Variants in ADAMTS13 observed in about 807,000 individuals in gnomAD.
ADAMTS13 encodes the protein A disintegrin and metalloproteinase with thrombospondin motifs 13.
In ADAMTS13, 110 loss-of-function variants were observed where a neutral mutation model predicts 155.1. That is an observed-to-expected ratio of 0.71 (90% confidence interval 0.61 to 0.83). The LOEUF (loss-of-function observed/expected upper bound fraction) is 0.83. ADAMTS13 is among the 40% of genes least tolerant of loss of function. The probability of loss-of-function intolerance (pLI) is 0.00; values close to 1 mark genes in which losing one functional copy is unlikely to be tolerated. For synonymous variants in ADAMTS13, 758 were observed against 756.4 expected, an observed-to-expected ratio of 1.00 and a Z score of -0.03; for missense variants, 1,707 against 1,891.7, an observed-to-expected ratio of 0.90 and a Z score of 1.81.
intron 21 of ADAMTS13, among the ~76,000 whole-genome samples, chr9:133,447,379 C>T (rs1036263100): frequency 1.3e-5 from 2 of 152,148 alleles, no homozygotes; most frequent in Admixed American, 6.5e-5. Context: ...ACAACCTCCA[C>T]CACCTGGGCT....
chr9:133,456,184 C>T lies in ADAMTS13; in HGVS notation c.3516C>T (p.Arg1172=), dbSNP rs782126709. The T allele has an allele frequency of 9.3e-6, 15 of 1,613,478 alleles. No individual in the cohort carries two copies. The highest frequency in any genetic ancestry group is 2.2e-5 in the East Asian group (1 of 44,896). Residue 1172 remains arginine, a synonymous_variant, in exon 26 of 29, where the codon CGC becomes CGT. Transcript: ENST00000355699. The surrounding 1 kb of genome is among the most constrained non-coding windows in gnomAD (Gnocchi z 4.4). ...GRPLGEVVTL[R]VLESSLNCSA... ...CCCTCGGGGAGGTGGTGACCCTCCG[C>T]GTCCTTGAGAGTTCTCTCAACTGCA...
Position 133,445,010 on chromosome 9 carries a change from T to C in ADAMTS13, c.2568T>C (p.Pro856=). 1 of 1,613,486 alleles carries C rather than the reference T, an allele frequency of 6.2e-7. No individual in the cohort carries two copies. The highest frequency in any genetic ancestry group is 8.5e-7 in the Non-Finnish European group (1 of 1,179,988). ...CCGTAGATGAGAAGCTGCCTGCCCC[T>C]GAGCCCTGTGTCGGGATGTCATGTC... ...PGSVDEKLPA[P]EPCVGMSCPP... The change falls in exon 20 of 29, where the codon CCT becomes CCC. Residue 856 remains proline, a synonymous_variant. Transcript: ENST00000355699. This position sits in a 1 kb window ranked among gnomAD's most constrained non-coding sequence, Gnocchi z 5.0.
chr9:133,447,689 A>C (rs1490298080), intron 21 of ADAMTS13, among the ~76,000 whole-genome samples: 1 of 151,866 alleles, frequency 6.6e-6, no homozygotes, highest in Non-Finnish European at 1.5e-5. Flanking sequence ...CCCATGTTCA[A>C]ACGATTCTCA....
In ADAMTS13 at chr9:133,456,142, A is replaced by G. The variant is rs1554795868; in HGVS notation, c.3474A>G (p.Ala1158=). The change falls in exon 26 of 29, where the codon GCA becomes GCG. Residue 1158 remains alanine (A), a synonymous_variant. Coordinates refer to ENST00000355699, the MANE Select transcript of ADAMTS13 (RefSeq NM_139027.6). This position sits in a 1 kb window ranked among gnomAD's most constrained non-coding sequence, Gnocchi z 4.4. ...GAGGCCCAGGGCAGGCAGACTGTGC[A>G]GTGGCCATTGGGCGGCCCCTCGGGG... is the stretch of plus-strand genomic sequence containing the variant. ...DMRGPGQADC[A]VAIGRPLGEV... is the part of the protein sequence containing the mutation. The G allele has an allele frequency of 1.2e-6, 2 of 1,613,344 alleles. No individual in the cohort carries two copies. Among genetic ancestry groups the G allele is most frequent in the African/African-American group, 1.3e-5 (1 of 74,932 alleles).
chr9:133,428,185 G>A (rs1043293216), intron 6 of ADAMTS13, among the ~76,000 whole-genome samples: 1 of 152,170 alleles, frequency 6.6e-6, no homozygotes, highest in African/African-American at 2.4e-5. Context: ...TGCAAACAAT[G>A]GCCAAGGGCA....
intron 11 of ADAMTS13, 52 bp from the exon 12 acceptor site, chr9:133,436,777 C>T (rs1554789086): frequency 7.6e-6 from 4 of 527,326 alleles, no homozygotes; most frequent in Admixed American, 7.3e-5. Context: ...CCAGTGACAA[C>T]ACCCGCCCCC....
In ADAMTS13 at chr9:133,437,742, C is replaced by T; in HGVS notation, c.1436-7C>T. On this transcript the variant is annotated splice_region_variant and splice_polypyrimidine_tract_variant and intron_variant, in intron 12 of 28. Coordinates refer to ENST00000355699, the MANE Select transcript of ADAMTS13 (RefSeq NM_139027.6). ...TCAGGACACCCTTTTTCACTCTGCC[C>T]TCCCAGGGGATGCTCTGTGCAGACA... 6.2e-7 allele frequency: 1 copy of T among 1,613,764 alleles called. No individual in the cohort carries two copies. Among genetic ancestry groups the T allele is most frequent in the Admixed American group, 1.7e-5 (1 of 60,024 alleles).
upstream of ADAMTS13, chr9:133,417,600 C>T (rs782785319): frequency 2.5e-6 from 4 of 1,610,186 alleles, no homozygotes; most frequent in Admixed American, 6.7e-5. Flanking sequence ...GCGCTCCGCC[C>T]GGGCCCCCTC....
Position 133,459,370 on chromosome 9 carries a change from T to A in ADAMTS13, c.*190T>A. The A allele has an allele frequency of 1.4e-6, 1 of 712,896 alleles. No individual in the cohort carries two copies. The highest frequency in any genetic ancestry group is 2.5e-6 in the Non-Finnish European group (1 of 400,212). 44.2% of individuals were successfully genotyped at this position (712,896 alleles called of 1,614,324 possible). ...CCCCATTTCCTCGGGTACCAATAAA[T>A]AAAACATGCAGGCTGACCGGCGTTT... On this transcript the variant is annotated 3_prime_UTR_variant, in exon 29 of 29. Coordinates refer to ENST00000355699, the MANE Select transcript of ADAMTS13 (RefSeq NM_139027.6).
rs1842630321 is a variant in ADAMTS13, at chr9:133,454,574, C to T, written c.3204C>T (p.Leu1068=). ...GGCCCGAGGCCAGTGTCCCCTGTCTCATTGCCGACTGCACCTACCGCTGGC... is the reference window on the plus strand; with the variant it reads ...GGCCCGAGGCCAGTGTCCCCTGTCTTATTGCCGACTGCACCTACCGCTGGC... The part of the protein sequence containing the change: ...LVRPEASVPC[L]IADCTYRWHV... The change falls in exon 24 of 29, where the codon CTC becomes CTT. Residue 1068 remains leucine, a synonymous_variant. Coordinates refer to ENST00000355699, the MANE Select transcript of ADAMTS13 (RefSeq NM_139027.6). The T allele has an allele frequency of 2.5e-6, 4 of 1,606,856 alleles. No individual in the cohort carries two copies. Among genetic ancestry groups the T allele is most frequent in the African/African-American group, 1.3e-5 (1 of 74,948 alleles).
chr9:133,424,532 A>G lies in ADAMTS13; in HGVS notation c.330+54A>G. On this transcript the variant is annotated intron_variant, in intron 3 of 28. Transcript: ENST00000355699. This position sits in a 1 kb window ranked among gnomAD's most constrained non-coding sequence, Gnocchi z 4.3. ...TCCCCACGGCCAGGGCTGGTGACCAATGTCTGTGGGCTGGTGTATCTGGTA... is the reference window on the plus strand; with the variant it reads ...TCCCCACGGCCAGGGCTGGTGACCAGTGTCTGTGGGCTGGTGTATCTGGTA... 1 of 1,575,834 alleles carries G rather than the reference A, an allele frequency of 6.3e-7. No homozygotes were observed. The highest frequency in any genetic ancestry group is 8.6e-7 in the Non-Finnish European group (1 of 1,160,876).
chr9:133,436,060 G>A (rs916279695), intron 11 of ADAMTS13, among the ~76,000 whole-genome samples: 17 of 143,830 alleles, frequency 1.2e-4, no homozygotes, highest in African/African-American at 3.1e-4. Context: ...CAGGTGATCC[G>A]CCCACCTTAG....
intron 23 of ADAMTS13, among the ~76,000 whole-genome samples, chr9:133,450,697 C>T (rs1045209500): frequency 3.3e-5 from 5 of 152,144 alleles, no homozygotes; most frequent in Non-Finnish European, 7.3e-5. Flanking sequence ...TGCAGTGAGC[C>T]GAGATGGCGC....
exon 1 of ADAMTS13, chr9:133,414,624 G>A (rs782352892): frequency 4.4e-6 from 7 of 1,577,848 alleles, no homozygotes; most frequent in South Asian, 3.3e-5. Flanking sequence ...TGGTGAAGTC[G>A]CTGTGCCTCG....
At chr9:133,430,829 T>A (rs1397920146) in intron 8 of ADAMTS13, among the ~76,000 whole-genome samples, 1 of 151,742 alleles carries the variant, frequency 6.6e-6, no homozygotes, top group African/African-American at 2.4e-5. Flanking sequence ...CCTGGCTAAT[T>A]TTTTGTATTT....
chr9:133,436,363 GCAGTGTGGT>G (rs145813629), intron 11 of ADAMTS13, among the ~76,000 whole-genome samples: 39,144 of 151,426 alleles, frequency 0.26, 6,322 homozygotes, highest in South Asian at 0.39. Context: ...TTTCGTGGAG[GCAGTGTGGT>G]CAGTGTGGCT....
In ADAMTS13 at chr9:133,445,746, C is replaced by T. The variant is rs1842018385; in HGVS notation, c.2658C>T (p.Ser886=). 6.2e-7 allele frequency: 1 copy of T among 1,611,750 alleles called. No individual in the cohort carries two copies. Among genetic ancestry groups the T allele is most frequent in the Non-Finnish European group, 8.5e-7 (1 of 1,178,930 alleles). ...AGAAGGCTCCCTCCCCATGGGGCAG[C>T]ATCAGGACGGGGGCTCAAGCTGCAC... ...AGEKAPSPWG[S]IRTGAQAAHV... The change falls in exon 21 of 29, where the codon AGC becomes AGT. Residue 886 remains serine, a synonymous_variant. Coordinates refer to ENST00000355699, the MANE Select transcript of ADAMTS13 (RefSeq NM_139027.6). This position sits in a 1 kb window ranked among gnomAD's most constrained non-coding sequence, Gnocchi z 5.0.
intron 7 of ADAMTS13, among the ~76,000 whole-genome samples, chr9:133,429,539 C>CA (rs1400674595): frequency 8.2e-6 from 1 of 121,562 alleles, no homozygotes; most frequent in Non-Finnish European, 1.7e-5. Flanking sequence ...ACCCCCTTAC[C>CA]CTTCGTCTGC....
At position 133,440,370 on chromosome 9, in the gene ADAMTS13, G is replaced by C; in HGVS notation, c.1813G>C (p.Val605Leu). Reference sequence around the variant, plus strand: ...GGTGAGGATCGGAGGGCGCTATGTCGTGGCTGGGAAGATGAGCATCTCCCC... The same window carrying C: ...GGTGAGGATCGGAGGGCGCTATGTCCTGGCTGGGAAGATGAGCATCTCCCC... ...LAVRIGGRYV[V>L]AGKMSISPNT... The change falls in exon 16 of 29, where the codon GTG (valine) becomes CTG (leucine). Residue 605 changes from valine (V) to leucine (L), a missense_variant. Coordinates refer to ENST00000355699, the MANE Select transcript of ADAMTS13 (RefSeq NM_139027.6). This position sits in a 1 kb window ranked among gnomAD's most constrained non-coding sequence, Gnocchi z 4.3. 6.2e-7 allele frequency: 1 copy of C among 1,614,020 alleles called. No homozygotes were observed. Among genetic ancestry groups the C allele is most frequent in the Non-Finnish European group, 8.5e-7 (1 of 1,180,048 alleles).
Sources: gnomAD v4.1 joint callset for allele counts (sites outside exome capture counted in the v4.1 genomes callset) on GRCh38, gnomAD v4.1.1 for gene constraint, Gnocchi (gnomAD v3.1) non-coding constraint, MANE v1.5 for transcripts, NCBI Gene and HGNC (gene_info 2026-07-23, HGNC 2026-07-21) for gene names.